The following GPC6 variants were observed in gnomAD, a reference collection of about 807,000 sequenced individuals.
GPC6 encodes the protein glypican-6.
A neutral mutation model predicts 55.2 loss-of-function variants in GPC6; 14 were observed. The ratio of observed to expected loss-of-function variants is 0.25; its 90% CI spans 0.17 to 0.40. The LOEUF is 0.40. Ranked by LOEUF, GPC6 falls within the 10% of genes least tolerant of loss-of-function variation. The pLI, the probability that GPC6 is intolerant of heterozygous loss-of-function variation, is 1.00. For synonymous variants in GPC6, 278 were observed against 259.6 expected (o/e 1.07, Z -0.68); for missense variants, 641 against 708.5 (o/e 0.90, Z 1.08).
rs1880294557 is a variant in GPC6, at chr13:93,342,515, TTCAATTACCTCCCATCAGG to T, written c.160+114902_160+114920del. Among the ~76,000 whole-genome samples the T allele has an allele frequency of 3.9e-5, 6 of 152,194 alleles. No homozygotes were observed. In the East Asian group the frequency reaches 1.2e-3, roughly 29 times the overall value. On this transcript the variant is annotated intron_variant, in intron 1 of 8. Transcript: ENST00000377047. ...GCATGGGAAAAACCCTCCCCCATGG[TTCAATTACCTCCCATCAGG>T]TCCCTCCCACGACATGTGGGGATTA...
At chr13:94,288,265 C>T (rs1892584933) in intron 5 of GPC6, among the ~76,000 whole-genome samples, 1 of 152,120 alleles carries the variant, frequency 6.6e-6, no homozygotes, top group Admixed American at 6.5e-5. Context: ...GTTTCTATCA[C>T]TTATTATATA....
intron 4 of GPC6, among the ~76,000 whole-genome samples, chr13:94,277,580 T>C (rs1394354463): frequency 6.6e-6 from 1 of 152,262 alleles, no homozygotes; most frequent in East Asian, 1.9e-4. Flanking sequence ...CATTTAAGTC[T>C]TTAATCCATC....
At chr13:93,382,749 T>C (rs1026980278) in intron 1 of GPC6, among the ~76,000 whole-genome samples, 1 of 152,228 alleles carries the variant, frequency 6.6e-6, no homozygotes, top group South Asian at 2.1e-4. Context: ...ACAAATTACA[T>C]TTTTATGTCT....
chr13:93,261,869 A>T (rs1877159312), intron 1 of GPC6, among the ~76,000 whole-genome samples: 1 of 152,010 alleles, frequency 6.6e-6, no homozygotes, highest in Admixed American at 6.6e-5. Flanking sequence ...ATAAATAAAG[A>T]TGAGGTAACT....
chr13:94,336,871 AAAAT>A (rs1244347833), intron 6 of GPC6, among the ~76,000 whole-genome samples: 4 of 152,360 alleles, frequency 2.6e-5, no homozygotes, highest in South Asian at 2.1e-4. Flanking sequence ...AAGAATTAAA[AAAAT>A]AAATAAATCC....
intron 1 of GPC6, among the ~76,000 whole-genome samples, chr13:93,424,420 C>T (rs548177564): frequency 2.2e-4 from 34 of 152,260 alleles, no homozygotes; most frequent in African/African-American, 7.2e-4. Context: ...CTGTTGGCAG[C>T]CAACCCTTCT....
intron 1 of GPC6, among the ~76,000 whole-genome samples, chr13:93,480,126 C>T (rs1594200129): frequency 6.6e-6 from 1 of 152,102 alleles, no homozygotes; most frequent in African/African-American, 2.4e-5. Flanking sequence ...TTAATTCCCA[C>T]CTGTGGCTTT....
intron 2 of GPC6, among the ~76,000 whole-genome samples, chr13:93,789,604 T>TATAATACTACATATATATATAATACTAC (rs1885945332): frequency 1.7e-4 from 3 of 17,418 alleles, no homozygotes; most frequent in Admixed American, 1.6e-3. Flanking sequence ...ACTACATATA[T>TATAATACTACATATATATATAATACTAC]ATATATATAT....
At chr13:94,132,432 A>C (rs1418185517) in intron 4 of GPC6, among the ~76,000 whole-genome samples, 1 of 152,000 alleles carries the variant, frequency 6.6e-6, no homozygotes, top group African/African-American at 2.4e-5. Flanking sequence ...GACCCTTCTG[A>C]CCCCTGACCA....
At chr13:93,779,403 AT>A (rs1885570161) in intron 2 of GPC6, among the ~76,000 whole-genome samples, 1 of 152,240 alleles carries the variant, frequency 6.6e-6, no homozygotes, top group Non-Finnish European at 1.5e-5. Flanking sequence ...TTTGTTAAAA[AT>A]TATGGATTAC....
chr13:93,894,525 G>A (rs565057135), intron 3 of GPC6, among the ~76,000 whole-genome samples: 4 of 152,190 alleles, frequency 2.6e-5, no homozygotes, highest in African/African-American at 9.6e-5. Context: ...AAAAATAAAT[G>A]TATGCTATGT....
chr13:93,752,204 C>T (rs1884618160), intron 2 of GPC6, among the ~76,000 whole-genome samples: 1 of 152,020 alleles, frequency 6.6e-6, no homozygotes, highest in Admixed American at 6.6e-5. Flanking sequence ...CTAGGTTCTT[C>T]CTATGGTAAA....
intron 4 of GPC6, among the ~76,000 whole-genome samples, chr13:94,262,845 G>C (rs1158690775): frequency 6.6e-6 from 1 of 152,020 alleles, no homozygotes; most frequent in Non-Finnish European, 1.5e-5. Context: ...CATTTCCCTT[G>C]AATTATCAAA....
At chr13:94,035,114 C>T (rs1353750032) in intron 4 of GPC6, among the ~76,000 whole-genome samples, 1 of 151,860 alleles carries the variant, frequency 6.6e-6, no homozygotes, top group Non-Finnish European at 1.5e-5. Flanking sequence ...TTTTAGTTTA[C>T]TCTTCAATGT....
chr13:94,237,187 T>C (rs978133045), intron 4 of GPC6, among the ~76,000 whole-genome samples: 2 of 151,942 alleles, frequency 1.3e-5, no homozygotes, highest in Non-Finnish European at 2.9e-5. Context: ...ACTACAGAAA[T>C]GGATTAAAAT....
chr13:93,595,657 G>A (rs1470641625), intron 2 of GPC6, among the ~76,000 whole-genome samples: 4 of 152,026 alleles, frequency 2.6e-5, no homozygotes, highest in African/African-American at 9.7e-5. Context: ...CCTTCTGATT[G>A]TACATAAAAA....
At chr13:93,843,368 C>A (rs1888030448) in intron 3 of GPC6, among the ~76,000 whole-genome samples, 1 of 152,044 alleles carries the variant, frequency 6.6e-6, no homozygotes, top group African/African-American at 2.4e-5. Flanking sequence ...TCACTTTATA[C>A]CTACTCCACA....
At chr13:93,766,109 A>G (rs1885123264) in intron 2 of GPC6, among the ~76,000 whole-genome samples, 1 of 152,202 alleles carries the variant, frequency 6.6e-6, no homozygotes, top group Non-Finnish European at 1.5e-5. Context: ...CTATGTTTTA[A>G]GTTGTATAGG....
chr13:94,259,562 A>G (rs899954308), intron 4 of GPC6, among the ~76,000 whole-genome samples: 1 of 152,172 alleles, frequency 6.6e-6, no homozygotes, highest in Admixed American at 6.5e-5. Context: ...GGCATTAAGA[A>G]TACTCACTAT....
Sources: allele counts gnomAD v4.1 joint callset (sites outside exome capture counted in the v4.1 genomes callset), GRCh38; gene constraint gnomAD v4.1.1; transcripts MANE v1.5; gene names NCBI Gene and HGNC (gene_info 2026-07-23, HGNC 2026-07-21).